PCED1B: variants seen among roughly 807,000 people sequenced by gnomAD.
PCED1B encodes the protein PC-esterase domain containing 1B, also known as PC-esterase domain-containing protein 1B.
For synonymous variants in PCED1B, 251 were observed against 246.1 expected (o/e 1.02, Z -0.19); for missense variants, 573 against 573.9 (o/e 1.00, Z 0.02).
chr12:47,099,819 A>G (rs1257698171), intron 1 of PCED1B, among the ~76,000 whole-genome samples: 1 of 152,222 alleles, frequency 6.6e-6, no homozygotes, highest in Non-Finnish European at 1.5e-5. Flanking sequence ...AGGACTTTCT[A>G]GTTCAGCCCT....
chr12:47,132,453 T>G (rs548513377), intron 2 of PCED1B, among the ~76,000 whole-genome samples: 3 of 152,284 alleles, frequency 2.0e-5, no homozygotes, highest in Admixed American at 6.5e-5. Flanking sequence ...TATGGGGGAA[T>G]TAAACGGCTT....
At chr12:47,080,323 G>A (rs1456519142) in intron 1 of PCED1B, among the ~76,000 whole-genome samples, 2 of 152,176 alleles carry the variant, frequency 1.3e-5, no homozygotes, top group African/African-American at 4.8e-5. Context: ...CTTCGCGGCG[G>A]CCGCACAGGT....
intron 2 of PCED1B, among the ~76,000 whole-genome samples, chr12:47,161,729 G>A (rs1054831045): frequency 6.6e-6 from 1 of 152,178 alleles, no homozygotes; most frequent in Non-Finnish European, 1.5e-5. Flanking sequence ...TCTAGAACTA[G>A]AAATACCATT....
intron 1 of PCED1B, among the ~76,000 whole-genome samples, chr12:47,101,269 G>A (rs958271599): frequency 7.9e-5 from 12 of 152,148 alleles, no homozygotes; most frequent in African/African-American, 2.7e-4. Context: ...CCTATGGTTT[G>A]AGGTGGGGCT....
chr12:47,096,782 A>C (rs560802361), intron 1 of PCED1B, among the ~76,000 whole-genome samples: 4 of 152,304 alleles, frequency 2.6e-5, no homozygotes, highest in African/African-American at 4.8e-5. Flanking sequence ...TGAGTGCTTT[A>C]ATGAGCTTCT....
intron 2 of PCED1B, among the ~76,000 whole-genome samples, chr12:47,110,586 C>T (rs1303220399): frequency 6.6e-6 from 1 of 152,092 alleles, no homozygotes; most frequent in East Asian, 1.9e-4. Flanking sequence ...CACAAAGATA[C>T]TCCATAAAAC....
chr12:47,205,584 A>T (rs1413144097), intron 2 of PCED1B, among the ~76,000 whole-genome samples: 1 of 152,230 alleles, frequency 6.6e-6, no homozygotes, highest in Non-Finnish European at 1.5e-5. Context: ...ATGGTGTAAC[A>T]GCTTGGAAAT....
intron 3 of PCED1B, among the ~76,000 whole-genome samples, chr12:47,224,838 G>C (rs908111700): frequency 5.3e-5 from 8 of 152,256 alleles, no homozygotes; most frequent in African/African-American, 1.9e-4. Context: ...ATGGACTGCA[G>C]ATCCGAGACC....
intron 2 of PCED1B, among the ~76,000 whole-genome samples, chr12:47,157,214 C>A (rs1384643411): frequency 6.6e-6 from 1 of 152,102 alleles, no homozygotes; most frequent in Non-Finnish European, 1.5e-5. Context: ...CATAAAAAAT[C>A]CCATCTTGTT....
At chr12:47,213,266 C>T (rs28393668) in intron 2 of PCED1B, among the ~76,000 whole-genome samples, 8,170 of 152,222 alleles carry the variant, frequency 0.054, 679 homozygotes, top group African/African-American at 0.18. Flanking sequence ...CTAATAGAAA[C>T]AAATTATTCA....
At chr12:47,105,894 G>A (rs1036325980) in intron 2 of PCED1B, among the ~76,000 whole-genome samples, 6 of 152,216 alleles carry the variant, frequency 3.9e-5, no homozygotes, top group African/African-American at 1.4e-4. Flanking sequence ...CGATCTTACA[G>A]TGACTTCATT....
At chr12:47,154,315 A>G (rs550222280) in intron 2 of PCED1B, among the ~76,000 whole-genome samples, 1 of 152,280 alleles carries the variant, frequency 6.6e-6, no homozygotes, top group African/African-American at 2.4e-5. Context: ...CCTTATGAGC[A>G]CTACGAAAAC....
chr12:47,091,316 A>T (rs1938255150), intron 1 of PCED1B, among the ~76,000 whole-genome samples: 1 of 152,130 alleles, frequency 6.6e-6, no homozygotes, highest in East Asian at 1.9e-4. Context: ...AATTTTCTGT[A>T]TGTTTATTTA....
At chr12:47,209,561 A>G (rs1299649452) in intron 2 of PCED1B, 1 of 152,218 alleles carries the variant, frequency 6.6e-6, no homozygotes, top group African/African-American at 2.4e-5. Context: ...AAATGGTAGC[A>G]ATAATAATTA....
intron 2 of PCED1B, among the ~76,000 whole-genome samples, chr12:47,178,265 C>G (rs1189992530): frequency 1.3e-5 from 2 of 152,206 alleles, no homozygotes; most frequent in African/African-American, 4.8e-5. Flanking sequence ...AGATGGCAGA[C>G]AGGCATCAGG....
intron 2 of PCED1B, among the ~76,000 whole-genome samples, chr12:47,110,224 T>C (rs188672902): frequency 1.3e-3 from 193 of 152,318 alleles, no homozygotes; most frequent in African/African-American, 4.5e-3. Context: ...CAATTAGTCC[T>C]GTAAATCACT....
intron 2 of PCED1B, among the ~76,000 whole-genome samples, chr12:47,182,893 A>G (rs1350407355): frequency 3.3e-5 from 5 of 152,130 alleles, no homozygotes; most frequent in Non-Finnish European, 7.3e-5. Flanking sequence ...ATAAACAAAC[A>G]ATATTTTGAA....
chr12:47,125,848 T>C (rs1259053075), intron 2 of PCED1B, among the ~76,000 whole-genome samples: 1 of 152,086 alleles, frequency 6.6e-6, no homozygotes. Context: ...TACATTTTGT[T>C]CTTGTATCCC....
At chr12:47,211,769 G>C in intron 2 of PCED1B, among the ~76,000 whole-genome samples, 1 of 151,200 alleles carries the variant, frequency 6.6e-6, no homozygotes. Flanking sequence ...GCCAGCCTGG[G>C]CAACAAGGTA....
Sources: allele counts gnomAD v4.1 joint callset (sites outside exome capture counted in the v4.1 genomes callset), GRCh38; gene constraint gnomAD v4.1.1; transcripts MANE v1.5; gene names NCBI Gene and HGNC (gene_info 2026-07-23, HGNC 2026-07-21).